SETD3: variants seen among roughly 807,000 people sequenced by gnomAD.
The protein encoded by SETD3 is SET domain containing 3, actin N3(tau)-histidine methyltransferase.
In SETD3, 19 loss-of-function variants were observed where a neutral mutation model predicts 63.0. That is an observed-to-expected ratio of 0.30 (90% CI 0.21 to 0.44). SETD3 has a LOEUF of 0.44. SETD3 is among the 20% of genes least tolerant of loss of function. The pLI is 1.00. For missense variants in SETD3, 587 were observed against 728.5 expected (o/e 0.81, Z 2.24); for synonymous variants, 286 against 264.1 (o/e 1.08, Z -0.80).
At chr14:99,459,014 G>T in intron 5 of SETD3, 99 bp downstream of exon 5, 1 of 792,322 alleles carries the variant, frequency 1.3e-6, no homozygotes, top group Non-Finnish European at 2.0e-6. Flanking sequence ...TATTTCGCCA[G>T]TCGAGAAAAA....
intron 6 of SETD3, among the ~76,000 whole-genome samples, chr14:99,425,555 T>C (rs1892835116): frequency 6.6e-6 from 1 of 152,250 alleles, no homozygotes; most frequent in Non-Finnish European, 1.5e-5. Flanking sequence ...GCGTCAGCTG[T>C]TATTAGTCTT....
intron 6 of SETD3, among the ~76,000 whole-genome samples, chr14:99,424,235 G>C (rs1211877595): frequency 1.3e-5 from 2 of 152,186 alleles, no homozygotes; most frequent in Non-Finnish European, 2.9e-5. Flanking sequence ...TTGAAATCCA[G>C]GTCAGCTGAC....
chr14:99,460,579 C>A (rs1895013391), intron 4 of SETD3, among the ~76,000 whole-genome samples: 3 of 152,048 alleles, frequency 2.0e-5, no homozygotes. Context: ...ACTTGGCCAA[C>A]AGATGAAGGA....
chr14:99,476,755 AC>A (rs1895993020), intron 1 of SETD3, among the ~76,000 whole-genome samples: 1 of 152,210 alleles, frequency 6.6e-6, no homozygotes, highest in East Asian at 1.9e-4. Context: ...TAGTCGGAAG[AC>A]TTTCTTAGAC....
At chr14:99,478,153 T>C (rs888625374) in intron 1 of SETD3, among the ~76,000 whole-genome samples, 16 of 152,158 alleles carry the variant, frequency 1.1e-4, no homozygotes, top group Non-Finnish European at 8.8e-5. Context: ...GGGTAGGTAA[T>C]TGAGAAAGCA....
At chr14:99,401,241 C>A (rs989827002) in intron 11 of SETD3, among the ~76,000 whole-genome samples, 1 of 152,110 alleles carries the variant, frequency 6.6e-6, no homozygotes, top group Admixed American at 6.5e-5. Context: ...GTGAACATCT[C>A]AATTATCTCC....
In SETD3 at chr14:99,463,476, G is replaced by T; in HGVS notation, c.196+10C>A. ...TTATTAAAATACAGTTATCATTCTA[G>T]CAATTTTACCTTTTTGCTTTTTCCG... On this transcript the variant is annotated intron_variant, in intron 3 of 12. Coordinates refer to ENST00000331768, the MANE Select transcript of SETD3 (RefSeq NM_032233.3). 1.2e-6 allele frequency: 2 copies of T among 1,602,592 alleles called. No individual in the cohort carries two copies. The highest frequency in any genetic ancestry group is 1.1e-5 in the South Asian group (1 of 90,584).
chr14:99,463,638 T>G, intron 2 of SETD3, 60 bp from the exon 3 acceptor site: 1 of 1,358,538 alleles, frequency 7.4e-7, no homozygotes. Context: ...CCTACTAGTC[T>G]GCACAAGAAA....
At chr14:99,443,356 A>G (rs1893946543) in intron 6 of SETD3, among the ~76,000 whole-genome samples, 1 of 145,714 alleles carries the variant, frequency 6.9e-6, no homozygotes, top group African/African-American at 2.6e-5. Context: ...GGTTCAAGCG[A>G]TTCTCCTGCC....
intron 11 of SETD3, 91 bp from the exon 12 acceptor site, chr14:99,400,350 A>G: frequency 7.3e-7 from 1 of 1,370,978 alleles, no homozygotes; most frequent in Non-Finnish European, 1.0e-6. Context: ...ATTGTTTCCA[A>G]CAACGCCATT....
At chr14:99,428,156 G>A (rs1271263565) in intron 6 of SETD3, among the ~76,000 whole-genome samples, 1 of 152,162 alleles carries the variant, frequency 6.6e-6, no homozygotes, top group Admixed American at 6.5e-5. Context: ...TAGCTATGTG[G>A]CCCCAAGCAG....
intron 6 of SETD3, among the ~76,000 whole-genome samples, chr14:99,431,135 A>G (rs558603649): frequency 1.3e-5 from 2 of 152,336 alleles, no homozygotes; most frequent in African/African-American, 4.8e-5. Flanking sequence ...TAACCACCTC[A>G]AGTGCTGTCT....
intron 6 of SETD3, among the ~76,000 whole-genome samples, chr14:99,439,592 G>T (rs7144486): frequency 0.5 from 73,314 of 147,356 alleles, 18,746 homozygotes; most frequent in African/African-American, 0.6. Flanking sequence ...TATAAATATA[G>T]AAAACATATC....
chr14:99,412,527 T>C, intron 8 of SETD3: 1 of 155,900 alleles, frequency 6.4e-6, no homozygotes, highest in Non-Finnish European at 1.4e-5. Context: ...GGAAACAGAG[T>C]GTCAGCAAAG....
chr14:99,470,267 C>A (rs924786064), intron 1 of SETD3, among the ~76,000 whole-genome samples: 4 of 152,180 alleles, frequency 2.6e-5, no homozygotes, highest in African/African-American at 7.2e-5. Context: ...GCAACCCTCA[C>A]GCCCAACAAA....
chr14:99,413,178 T>A, intron 7 of SETD3, 113 bp from the exon 8 acceptor site: 1 of 630,112 alleles, frequency 1.6e-6, no homozygotes, highest in Non-Finnish European at 2.9e-6. Context: ...CAAAGTCTTT[T>A]CCTAAGTAAC....
intron 6 of SETD3, among the ~76,000 whole-genome samples, chr14:99,453,856 T>G (rs921822375): frequency 6.6e-6 from 1 of 152,068 alleles, no homozygotes; most frequent in African/African-American, 2.4e-5. Context: ...TATTGTGTAT[T>G]ATCAATATGT....
At chr14:99,468,154 T>C (rs1895497898) in intron 1 of SETD3, among the ~76,000 whole-genome samples, 1 of 115,274 alleles carries the variant, frequency 8.7e-6, no homozygotes, top group African/African-American at 2.9e-5. Context: ...TAAATACAGA[T>C]TTAAAAAAAA....
intron 6 of SETD3, among the ~76,000 whole-genome samples, chr14:99,425,011 C>T (rs915730081): frequency 1.3e-5 from 2 of 152,080 alleles, no homozygotes; most frequent in Non-Finnish European, 2.9e-5. Flanking sequence ...GGACACGGGG[C>T]TTCGGAGGGT....
Sources: allele counts gnomAD v4.1 joint callset (sites outside exome capture counted in the v4.1 genomes callset), GRCh38; gene constraint gnomAD v4.1.1; transcripts MANE v1.5; gene names NCBI Gene and HGNC (gene_info 2026-07-23, HGNC 2026-07-21).